Variants in ELMO1 observed in about 807,000 individuals in gnomAD.
ELMO1 encodes engulfment and cell motility 1.
Under a neutral mutation model 98.9 loss-of-function variants are expected in ELMO1, and 26 were observed. The observed-to-expected ratio is 0.26, with a 90% CI of 0.19 to 0.36. ELMO1 has a LOEUF of 0.36. Ranked by LOEUF, ELMO1 falls within the 10% of genes least tolerant of loss-of-function variation. ELMO1 has a pLI of 1.00. For missense variants in ELMO1, 627 were observed against 935.2 expected, an observed-to-expected ratio of 0.67 and a Z score of 4.30; for synonymous variants, 346 against 346.0, an observed-to-expected ratio of 1.00 and a Z score of 0.00.
intron 15 of ELMO1, among the ~76,000 whole-genome samples, chr7:37,079,633 C>T (rs1481315872): frequency 6.6e-6 from 1 of 152,148 alleles, no homozygotes; most frequent in Non-Finnish European, 1.5e-5. Context: ...ACCCTGACCT[C>T]CACCTTACTA....
At chr7:37,104,146 G>T (rs979908852) in intron 14 of ELMO1, among the ~76,000 whole-genome samples, 4 of 151,704 alleles carry the variant, frequency 2.6e-5, no homozygotes, top group African/African-American at 4.8e-5. Flanking sequence ...ACCTCCCCGG[G>T]TGTTGTCTAA....
At chr7:36,956,826 G>C (rs1464170992) in intron 16 of ELMO1, among the ~76,000 whole-genome samples, 1 of 152,258 alleles carries the variant, frequency 6.6e-6, no homozygotes, top group Admixed American at 6.5e-5. Flanking sequence ...CTACAGGTTT[G>C]ATTACAACGC....
At chr7:37,188,489 A>T (rs1442770695) in intron 13 of ELMO1, among the ~76,000 whole-genome samples, 4 of 61,588 alleles carry the variant, frequency 6.5e-5, no homozygotes, top group African/African-American at 2.6e-4. Flanking sequence ...GAGAAAGGTA[A>T]AAAAAAAAAA....
At chr7:37,377,157 T>C (rs957935474) in intron 1 of ELMO1, among the ~76,000 whole-genome samples, 1 of 152,210 alleles carries the variant, frequency 6.6e-6, no homozygotes, top group African/African-American at 2.4e-5. Flanking sequence ...TTACGCCACA[T>C]ATTGCTAGCT....
intron 16 of ELMO1, among the ~76,000 whole-genome samples, chr7:36,960,670 T>C (rs540880345): frequency 6.6e-6 from 1 of 152,040 alleles, no homozygotes; most frequent in African/African-American, 2.4e-5. Flanking sequence ...CAGACAACAT[T>C]ATCCACCCAT....
intron 16 of ELMO1, among the ~76,000 whole-genome samples, chr7:36,929,377 G>A (rs913717691): frequency 6.6e-6 from 1 of 152,190 alleles, no homozygotes; most frequent in African/African-American, 2.4e-5. Context: ...CTGATGGAGT[G>A]CACACCAAAG....
At chr7:36,879,942 G>C (rs1399736447) in intron 18 of ELMO1, among the ~76,000 whole-genome samples, 1 of 152,206 alleles carries the variant, frequency 6.6e-6, no homozygotes, top group Non-Finnish European at 1.5e-5. Context: ...GAGCAACCTT[G>C]GGGATTTGAC....
At chr7:37,167,797 G>A (rs1298145666) in intron 13 of ELMO1, among the ~76,000 whole-genome samples, 1 of 150,156 alleles carries the variant, frequency 6.7e-6, no homozygotes, top group East Asian at 2.0e-4. Context: ...CAACTTTGGT[G>A]AATCTGACAA....
intron 2 of ELMO1, among the ~76,000 whole-genome samples, chr7:37,321,391 G>A (rs184683951): frequency 3.9e-5 from 6 of 152,124 alleles, no homozygotes; most frequent in Admixed American, 2.6e-4. Flanking sequence ...CTGTAGACCC[G>A]CTGAATAATT....
intron 2 of ELMO1, among the ~76,000 whole-genome samples, chr7:37,323,823 T>C (rs1254569518): frequency 6.6e-6 from 1 of 152,148 alleles, no homozygotes; most frequent in African/African-American, 2.4e-5. Flanking sequence ...TCTTCTAGGT[T>C]TAGTCCTGCA....
chr7:37,224,217 A>G (rs73108973), intron 9 of ELMO1, among the ~76,000 whole-genome samples: 1,856 of 152,326 alleles, frequency 0.012, 39 homozygotes, highest in African/African-American at 0.039. Context: ...CTAAGGTAGC[A>G]CTGTACAATA....
intron 13 of ELMO1, among the ~76,000 whole-genome samples, chr7:37,209,245 T>G (rs1471488069): frequency 1.3e-5 from 2 of 152,142 alleles, no homozygotes; most frequent in African/African-American, 4.8e-5. Flanking sequence ...CCATTACAGA[T>G]AGCTCTCACA....
intron 15 of ELMO1, among the ~76,000 whole-genome samples, chr7:37,046,142 A>C (rs1187390718): frequency 2.0e-5 from 3 of 152,244 alleles, no homozygotes; most frequent in Non-Finnish European, 4.4e-5. Context: ...GCCAAGAAAG[A>C]GTCAGTTGAT....
intron 13 of ELMO1, among the ~76,000 whole-genome samples, chr7:37,199,232 TAAG>T (rs1792148403): frequency 6.6e-6 from 1 of 152,008 alleles, no homozygotes; most frequent in Admixed American, 6.6e-5. Context: ...CCGTAAAAAG[TAAG>T]AAGAACGAAG....
intron 7 of ELMO1, among the ~76,000 whole-genome samples, chr7:37,237,352 C>G (rs935101080): frequency 6.6e-6 from 1 of 152,126 alleles, no homozygotes; most frequent in African/African-American, 2.4e-5. Context: ...TGCAGTAGCG[C>G]GATCTCAGCT....
intron 2 of ELMO1, among the ~76,000 whole-genome samples, chr7:37,324,184 C>T (rs1309219151): frequency 6.6e-6 from 1 of 152,214 alleles, no homozygotes; most frequent in Non-Finnish European, 1.5e-5. Context: ...TTGGCCAAGG[C>T]ACCTGGCTTG....
intron 4 of ELMO1, among the ~76,000 whole-genome samples, chr7:37,294,642 A>T (rs1797939271): frequency 6.6e-6 from 1 of 152,214 alleles, no homozygotes; most frequent in Non-Finnish European, 1.5e-5. Flanking sequence ...TTGAGGAAAC[A>T]AGTGATTATT....
chr7:36,872,926 C>G (rs1036251237), intron 19 of ELMO1, among the ~76,000 whole-genome samples: 1 of 152,144 alleles, frequency 6.6e-6, no homozygotes, highest in Non-Finnish European at 1.5e-5. Context: ...GGTAAGTTAG[C>G]CCTTAGCTTT....
chr7:37,224,384 A>G (rs1427151335), intron 9 of ELMO1, among the ~76,000 whole-genome samples: 1 of 152,252 alleles, frequency 6.6e-6, no homozygotes, highest in Admixed American at 6.5e-5. Context: ...ACATTTTATT[A>G]TAAAATACAA....
Sources: gnomAD v4.1 joint callset for allele counts (sites outside exome capture counted in the v4.1 genomes callset) on GRCh38, gnomAD v4.1.1 for gene constraint, MANE v1.5 for transcripts, NCBI Gene and HGNC (gene_info 2026-07-23, HGNC 2026-07-21) for gene names.